SAMHD1: variants seen among roughly 807,000 people sequenced by gnomAD.
The protein encoded by SAMHD1 is SAM and HD domain containing deoxynucleoside triphosphate triphosphohydrolase 1, also known as deoxynucleoside triphosphate triphosphohydrolase SAMHD1.
In SAMHD1, 54 loss-of-function variants were observed where a neutral mutation model predicts 79.6. The observed-to-expected ratio is 0.68, with a 90% confidence interval of 0.55 to 0.85. SAMHD1 has a LOEUF of 0.85. Ranked by LOEUF, SAMHD1 falls within the 40% of genes least tolerant of loss-of-function variation. SAMHD1 has a pLI of 0.00. For synonymous variants in SAMHD1, 260 were observed against 264.1 expected (o/e 0.98, Z 0.15); for missense variants, 663 against 782.7 (o/e 0.85, Z 1.82).
At chr20:36,936,112 A>C (rs1440687235) in intron 3 of SAMHD1, among the ~76,000 whole-genome samples, 1 of 151,936 alleles carries the variant, frequency 6.6e-6, no homozygotes, top group Admixed American at 6.6e-5. Flanking sequence ...AGTGGCGCAC[A>C]TCTGTAGTCC....
Position 36,935,088 on chromosome 20 carries a change from C to A in SAMHD1, c.450G>T (p.Leu150=). Residue 150 remains leucine (L), a synonymous_variant, in exon 4 of 16, where the codon CTG becomes CTT. Coordinates refer to ENST00000646673, the MANE Select transcript of SAMHD1 (RefSeq NM_015474.4). ...QFQRLRYIKQ[L]GGGYYVFPGA... ...CTGGAAAAACATAGTAACCACCTCC[C>A]AGCTGTTTGATGTATCGAAGACGTT... 1 of 1,614,114 alleles carries A rather than the reference C, an allele frequency of 6.2e-7. No individual in the cohort carries two copies. Among genetic ancestry groups the A allele is most frequent in the Non-Finnish European group, 8.5e-7 (1 of 1,179,994 alleles).
At chr20:36,933,261 G>T (rs1601143058) in intron 4 of SAMHD1, among the ~76,000 whole-genome samples, 1 of 152,120 alleles carries the variant, frequency 6.6e-6, no homozygotes, top group South Asian at 2.1e-4. Flanking sequence ...CTTCCTCCTG[G>T]CTCTACACTG....
chr20:36,929,867 A>G (rs978565911), intron 5 of SAMHD1, among the ~76,000 whole-genome samples: 6 of 152,168 alleles, frequency 3.9e-5, no homozygotes, highest in Non-Finnish European at 5.9e-5. Flanking sequence ...CAGATTAGAG[A>G]TTATAAATAT....
At chr20:36,927,348 G>A (rs563588342) in intron 5 of SAMHD1, 96 bp from the exon 6 acceptor site, 21 of 989,832 alleles carry the variant, frequency 2.1e-5, no homozygotes, top group African/African-American at 9.1e-5. Context: ...ACGGAGTTTC[G>A]CTCTTGTTGC....
At chr20:36,924,735 C>CT (rs959971394) in intron 6 of SAMHD1, among the ~76,000 whole-genome samples, 4 of 151,364 alleles carry the variant, frequency 2.6e-5, no homozygotes, top group African/African-American at 7.3e-5. Context: ...TTCTTTTCTT[C>CT]TTTTTTTTTC....
In SAMHD1 at chr20:36,930,877, T is replaced by C; in HGVS notation, c.510-2A>G. On this transcript the variant is annotated splice_acceptor_variant, in intron 4 of 15. Transcript: ENST00000646673. LOFTEE classifies it high-confidence loss of function. ...AGACATCCTGCTAGATACCCCACCC[T>C]GCAGAGCAAAAACACAAAAAGTCAC... 2 of 1,605,446 alleles carry C rather than the reference T, an allele frequency of 1.2e-6. No homozygotes were observed. Among genetic ancestry groups the C allele is most frequent in the African/African-American group, 1.3e-5 (1 of 74,872 alleles).
chr20:36,912,620 T>C (rs2063447830), intron 9 of SAMHD1, 68 bp from the exon 10 acceptor site: 1 of 1,146,872 alleles, frequency 8.7e-7, no homozygotes, highest in East Asian at 2.4e-5. Flanking sequence ...GACAAGTATA[T>C]AGGACAAGGA....
At chr20:36,911,729 A>G (rs1295913130) in intron 10 of SAMHD1, 1 of 204,230 alleles carries the variant, frequency 4.9e-6, no homozygotes, top group Non-Finnish European at 1.0e-5. Flanking sequence ...TTACCGAAGA[A>G]TTAACATACA....
chr20:36,948,899 AGAAAAG>A (rs2063713702), intron 1 of SAMHD1, among the ~76,000 whole-genome samples: 3 of 7,394 alleles, frequency 4.1e-4, no homozygotes, highest in African/African-American at 2.3e-3. Flanking sequence ...AAAAAAGAAA[AGAAAAG>A]AAGAAAGACT....
rs1416886733 is a variant in SAMHD1 at position 36,919,461 on chromosome 20, G to A, written c.755C>T (p.Pro252Leu). The A allele has an allele frequency of 1.2e-6, 2 of 1,612,566 alleles. No individual in the cohort carries two copies. The highest frequency in any genetic ancestry group is 2.2e-5 in the East Asian group (1 of 44,804). Residue 252 changes from proline to leucine, a missense_variant, in exon 7 of 16, where the codon CCT becomes CTT. Physicochemically the swap from Pro to Leu is moderately conservative, Grantham distance 98. Coordinates refer to ENST00000646673, the MANE Select transcript of SAMHD1 (RefSeq NM_015474.4). ...EHLINSNGIK[P>L]VMEQYGLIPE... ...GATGAGACCATATTGTTCCATGACA[G>A]GCTTAATTCCATTAGAATTAATAAG...
At chr20:36,898,818 A>C (rs1990246923) in intron 13 of SAMHD1, among the ~76,000 whole-genome samples, 1 of 150,848 alleles carries the variant, frequency 6.6e-6, no homozygotes, top group African/African-American at 2.4e-5. Context: ...AGACTGAGGC[A>C]GGAGAATTGT....
intron 15 of SAMHD1, among the ~76,000 whole-genome samples, chr20:36,897,273 A>T (rs889308897): frequency 2.0e-5 from 3 of 152,212 alleles, no homozygotes; most frequent in African/African-American, 4.8e-5. Flanking sequence ...CATTCAATAA[A>T]TGCCAACTGG....
At chr20:36,941,188 A>G in intron 2 of SAMHD1, 77 bp from the exon 3 acceptor site, 1 of 958,444 alleles carries the variant, frequency 1.0e-6, no homozygotes, top group Non-Finnish European at 1.7e-6. Flanking sequence ...TAGACATAAT[A>G]AACTTTATAT....
At chr20:36,923,492 A>G (rs1255618638) in intron 6 of SAMHD1, among the ~76,000 whole-genome samples, 2 of 152,152 alleles carry the variant, frequency 1.3e-5, no homozygotes, top group African/African-American at 2.4e-5. Flanking sequence ...AGTTTTAAAT[A>G]TATCAATGCC....
chr20:36,934,903 C>T, intron 4 of SAMHD1, 126 bp downstream of exon 4: 2 of 959,188 alleles, frequency 2.1e-6, no homozygotes, highest in Middle Eastern at 2.1e-4. Flanking sequence ...TGTGATCCAC[C>T]CACCTCTGCC....
chr20:36,895,519 G>C (rs1286573333), intron 15 of SAMHD1, among the ~76,000 whole-genome samples: 1 of 151,882 alleles, frequency 6.6e-6, no homozygotes, highest in African/African-American at 2.4e-5. Context: ...TCCCCAACTA[G>C]ATTATTATCC....
At chr20:36,950,677 G>A (rs2063727914) in intron 1 of SAMHD1, among the ~76,000 whole-genome samples, 1 of 152,116 alleles carries the variant, frequency 6.6e-6, no homozygotes, top group African/African-American at 2.4e-5. Flanking sequence ...GGGATTCAGT[G>A]GTCAACTGAA....
At chr20:36,926,189 A>C (rs2063535147) in intron 6 of SAMHD1, among the ~76,000 whole-genome samples, 1 of 152,146 alleles carries the variant, frequency 6.6e-6, no homozygotes. Flanking sequence ...AATTCCAACA[A>C]AACAAGAAAG....
chr20:36,932,979 G>A (rs1310690389), intron 4 of SAMHD1, among the ~76,000 whole-genome samples: 3 of 152,020 alleles, frequency 2.0e-5, no homozygotes, highest in African/African-American at 7.3e-5. Flanking sequence ...TGGAGATGAA[G>A]TACTTAAATG....
Sources: allele counts gnomAD v4.1 joint callset (sites outside exome capture counted in the v4.1 genomes callset), GRCh38; gene constraint gnomAD v4.1.1; transcripts MANE v1.5; gene names NCBI Gene and HGNC (gene_info 2026-07-23, HGNC 2026-07-21).